Variants in SMYD3 observed in about 807,000 individuals in gnomAD.
The protein encoded by SMYD3 is SET and MYND domain containing 3, also known as histone-lysine N-methyltransferase SMYD3.
Under a neutral mutation model 57.7 loss-of-function variants are expected in SMYD3, and 36 were observed. That is an observed-to-expected ratio of 0.62 (90% CI 0.48 to 0.82). The LOEUF (loss-of-function observed/expected upper bound fraction) is 0.82, where lower values mean the gene tolerates loss of function less well. Among genes scored for constraint, SMYD3 ranks in the 40% least tolerant of loss-of-function variants. The probability of loss-of-function intolerance (pLI) is 0.00; values close to 1 mark genes in which losing one functional copy is unlikely to be tolerated. For missense variants in SMYD3, 515 were observed against 538.8 expected, an observed-to-expected ratio of 0.96 and a Z score of 0.44; for synonymous variants, 211 against 195.0, an observed-to-expected ratio of 1.08 and a Z score of -0.68.
chr1:246,487,245 G>A (rs906400374), intron 1 of SMYD3, among the ~76,000 whole-genome samples: 4 of 152,110 alleles, frequency 2.6e-5, no homozygotes, highest in African/African-American at 9.7e-5. Flanking sequence ...CCAGGAGTTT[G>A]AAACCAGCCT....
chr1:246,398,926 G>C (rs1397594557), intron 1 of SMYD3, among the ~76,000 whole-genome samples: 1 of 152,098 alleles, frequency 6.6e-6, no homozygotes, highest in East Asian at 1.9e-4. Flanking sequence ...TGATTGCCCA[G>C]CGTAATTAGT....
chr1:246,161,756 A>G (rs1316846121), intron 5 of SMYD3, among the ~76,000 whole-genome samples: 1 of 152,170 alleles, frequency 6.6e-6, no homozygotes, highest in Non-Finnish European at 1.5e-5. Context: ...ATTTCAAATG[A>G]CAGGCAGGAA....
chr1:246,468,574 G>C (rs996250520), intron 1 of SMYD3, among the ~76,000 whole-genome samples: 1 of 152,088 alleles, frequency 6.6e-6, no homozygotes, highest in African/African-American at 2.4e-5. Context: ...CCAGGAGGCA[G>C]AGGTTGCAGT....
intron 1 of SMYD3, among the ~76,000 whole-genome samples, chr1:246,419,661 C>G (rs2067113327): frequency 6.6e-6 from 1 of 152,214 alleles, no homozygotes; most frequent in African/African-American, 2.4e-5. Context: ...CTTCCCAGCA[C>G]TCCCGTATCA....
Position 246,273,805 on chromosome 1 carries a change from G to A in SMYD3, c.531+53396C>T, listed in dbSNP as rs528051206. Among the ~76,000 whole-genome samples the A allele has an allele frequency of 9.8e-4, 149 of 151,724 alleles. 1 individual carries two copies. The highest frequency in any genetic ancestry group is 3.5e-3 in the African/African-American group (146 of 41,382). ...TCACCATGTTGGCCAGGCTGGTCTCGAACTCCTGGCCTCGTGGTCCACCGG... is the reference window on the plus strand; with the variant it reads ...TCACCATGTTGGCCAGGCTGGTCTCAAACTCCTGGCCTCGTGGTCCACCGG... On this transcript the variant is annotated intron_variant, in intron 5 of 11. Transcript: ENST00000490107.
At chr1:246,007,316 T>C (rs2059192090) in intron 5 of SMYD3, among the ~76,000 whole-genome samples, 1 of 152,174 alleles carries the variant, frequency 6.6e-6, no homozygotes, top group Admixed American at 6.5e-5. Context: ...ATGAGGTGCT[T>C]TCTCTTCCCA....
chr1:245,896,708 C>A (rs1415192982), intron 8 of SMYD3, among the ~76,000 whole-genome samples: 2 of 152,162 alleles, frequency 1.3e-5, no homozygotes, highest in Non-Finnish European at 2.9e-5. Context: ...CCTGAAGGGG[C>A]CAAACAGAGC....
Position 245,844,885 on chromosome 1 carries a change from C to T in SMYD3, c.1076+13611G>A, listed in dbSNP as rs541483391. 7.2e-5 allele frequency among the ~76,000 whole-genome samples: 11 copies of T among 152,256 alleles called. No homozygotes were observed. The East Asian group carries it at 2.1e-3, about 29-fold the overall frequency. On this transcript the variant is annotated intron_variant, in intron 10 of 11. Transcript: ENST00000490107. ...ACATACACACGACATGGCTAGGACC[C>T]ATTTGAAGTTATATTAAGAAAGAAT...
chr1:245,983,525 C>T (rs961131014), intron 5 of SMYD3, among the ~76,000 whole-genome samples: 2 of 152,168 alleles, frequency 1.3e-5, no homozygotes, highest in African/African-American at 4.8e-5. Flanking sequence ...TTTGACTTTT[C>T]TTCTTAAAAA....
chr1:246,013,239 C>A (rs1342623314), intron 5 of SMYD3, among the ~76,000 whole-genome samples: 2 of 152,132 alleles, frequency 1.3e-5, no homozygotes, highest in South Asian at 4.1e-4. Flanking sequence ...GAGTAAAGTA[C>A]TGCGATCTTG....
intron 10 of SMYD3, among the ~76,000 whole-genome samples, chr1:245,851,938 T>C (rs1217922533): frequency 6.6e-6 from 1 of 152,116 alleles, no homozygotes; most frequent in African/African-American, 2.4e-5. Context: ...CAGCAGCATG[T>C]TGGAAGCAAT....
intron 5 of SMYD3, among the ~76,000 whole-genome samples, chr1:245,955,343 G>T (rs905705452): frequency 1.3e-5 from 2 of 152,086 alleles, no homozygotes; most frequent in African/African-American, 4.8e-5. Flanking sequence ...GTCCCAGAGT[G>T]CTGGGATTAC....
In SMYD3 at chr1:246,055,310, C is replaced by T. The variant is rs73133794; in HGVS notation, c.532-125373G>A. 9.6e-3 allele frequency among the ~76,000 whole-genome samples: 1,464 copies of T among 152,148 alleles called. 19 individuals carry two copies. The highest frequency in any genetic ancestry group is 0.033 in the African/African-American group (1,368 of 41,528). ...TGGCAGTTCCTTAAAAGACTAAACA[C>T]GAGCTGGGTGCAGTGATACATCTGC... On this transcript the variant is annotated intron_variant, in intron 5 of 11. Coordinates refer to ENST00000490107, the MANE Select transcript of SMYD3 (RefSeq NM_001167740.2).
At chr1:245,921,644 T>C (rs767447069) in intron 7 of SMYD3, among the ~76,000 whole-genome samples, 21 of 151,930 alleles carry the variant, frequency 1.4e-4, no homozygotes, top group Non-Finnish European at 2.8e-4. Context: ...TGAATGCAGC[T>C]AGTGGCCATT....
intron 10 of SMYD3, among the ~76,000 whole-genome samples, chr1:245,809,946 C>A (rs2048369411): frequency 6.6e-6 from 1 of 152,204 alleles, no homozygotes; most frequent in Admixed American, 6.5e-5. Flanking sequence ...GATAAAGAGA[C>A]CCTCCAGGTA....
At chr1:245,833,059 C>CAAAAAAAAAAAA (rs35215737) in intron 10 of SMYD3, among the ~76,000 whole-genome samples, 3 of 40,844 alleles carry the variant, frequency 7.3e-5, no homozygotes, top group South Asian at 9.3e-4. Flanking sequence ...GAATATGTGA[C>CAAAAAAAAAAAA]AAAAAAAAAA....
chr1:246,323,099 C>T (rs1404507335), intron 5 of SMYD3, among the ~76,000 whole-genome samples: 1 of 152,188 alleles, frequency 6.6e-6, no homozygotes, highest in Non-Finnish European at 1.5e-5. Flanking sequence ...ACGTCAGTTT[C>T]CACTTCTGAT....
chr1:246,496,142 T>TTC (rs1204207004), intron 1 of SMYD3, among the ~76,000 whole-genome samples: 2 of 151,970 alleles, frequency 1.3e-5, no homozygotes, highest in African/African-American at 2.4e-5. Flanking sequence ...GTTCAAGCGA[T>TTC]TCTCCTGCCT....
Position 246,180,278 on chromosome 1 carries a change from T to C in SMYD3, c.531+146923A>G, listed in dbSNP as rs562175398. On this transcript the variant is annotated intron_variant, in intron 5 of 11. Coordinates refer to ENST00000490107, the MANE Select transcript of SMYD3 (RefSeq NM_001167740.2). ...ATCTCTCTCTATATATATGTGTATATATAAACTACTTATATATATATAAGT... is the reference window on the plus strand; with the variant it reads ...ATCTCTCTCTATATATATGTGTATACATAAACTACTTATATATATATAAGT... 2.1e-4 allele frequency among the ~76,000 whole-genome samples: 31 copies of C among 147,266 alleles called. 1 individual carries two copies. Among genetic ancestry groups the C allele is most frequent in the Admixed American group, 1.8e-3 (27 of 14,686 alleles).
Sources: allele counts gnomAD v4.1 joint callset (sites outside exome capture counted in the v4.1 genomes callset), GRCh38; gene constraint gnomAD v4.1.1; transcripts MANE v1.5; gene names NCBI Gene and HGNC (gene_info 2026-07-23, HGNC 2026-07-21).